The following KYAT3 variants were observed in gnomAD, a reference collection of about 807,000 sequenced individuals.
KYAT3 encodes the protein kynurenine--oxoglutarate transaminase 3.
In KYAT3, 50 loss-of-function variants were observed where a neutral mutation model predicts 59.0. That is an observed-to-expected ratio of 0.85 (90% CI 0.68 to 1.07). KYAT3 has a LOEUF of 1.07. KYAT3 is among the 50% of genes least tolerant of loss of function. The pLI is 0.00. For missense variants in KYAT3, 497 were observed against 533.3 expected (o/e 0.93, Z 0.67); for synonymous variants, 148 against 177.0 (o/e 0.84, Z 1.30).
chr1:88,971,615 T>C (rs548269512), intron 2 of KYAT3, among the ~76,000 whole-genome samples: 3 of 152,176 alleles, frequency 2.0e-5, no homozygotes, highest in African/African-American at 7.2e-5. Context: ...ATAGCTAAGA[T>C]TTATCTTGTC....
At chr1:88,927,132 A>G in the KYAT3 span, among the ~76,000 whole-genome samples, 1 of 152,184 alleles carries the variant, frequency 6.6e-6, no homozygotes, top group Admixed American at 6.5e-5. Flanking sequence ...CATTAGGACC[A>G]TAGAGGACGC....
chr1:88,966,828 T>C (rs1381391898), intron 4 of KYAT3, among the ~76,000 whole-genome samples: 8 of 146,990 alleles, frequency 5.4e-5, no homozygotes, highest in African/African-American at 1.9e-4. Context: ...AGGTTTCTCA[T>C]AGATTCCTTT....
At chr1:88,925,463 GA>G in the KYAT3 span, among the ~76,000 whole-genome samples, 1 of 152,146 alleles carries the variant, frequency 6.6e-6, no homozygotes, top group Non-Finnish European at 1.5e-5. Context: ...TCTCGAAAGG[GA>G]TCTAAGGAAG....
At position 88,943,087 on chromosome 1, in the gene KYAT3, A is replaced by G; in HGVS notation, c.1220T>C (p.Leu407Pro). 3 of 1,606,960 alleles carry G rather than the reference A, an allele frequency of 1.9e-6. No homozygotes were observed. The highest frequency in any genetic ancestry group is 2.6e-6 in the Non-Finnish European group (3 of 1,174,652). Reference protein sequence around the residue: ...FVKWMTKHKKLSAIPVSAFCN... With the variant: ...FVKWMTKHKKPSAIPVSAFCN... Reference sequence around the variant, plus strand: ...GAATGCTGAAACGGGGATGGCTGATAGTTTCTGAAAAATAAATAGAAACAT... The same window carrying G: ...GAATGCTGAAACGGGGATGGCTGATGGTTTCTGAAAAATAAATAGAAACAT... The change falls in exon 13 of 14, where the codon CTA becomes CCA. Residue 407 changes from leucine to proline, a missense_variant. This residue lies in a region of KYAT3 where 469 missense variants were observed against 479.1 expected (regional missense o/e 0.98). Transcript: ENST00000260508.
At position 88,988,689 on chromosome 1, in the gene KYAT3, T is replaced by G. The variant is rs533073494; in HGVS notation, c.-1-338A>C. Among the ~76,000 whole-genome samples the G allele has an allele frequency of 2.0e-5, 3 of 152,344 alleles. No individual in the cohort carries two copies. The South Asian group carries it at 6.2e-4, about 32-fold the overall frequency. On this transcript the variant is annotated intron_variant, in intron 1 of 13. Coordinates refer to ENST00000260508, the MANE Select transcript of KYAT3 (RefSeq NM_001008661.3). ...AGTTCCATTTCTAGCAGCTATAAAATCCAGAGTATTTCAATCTAGGAACTA... is the reference window on the plus strand; with the variant it reads ...AGTTCCATTTCTAGCAGCTATAAAAGCCAGAGTATTTCAATCTAGGAACTA...
At chr1:88,987,410 T>C (rs182562286) in intron 2 of KYAT3, among the ~76,000 whole-genome samples, 7 of 152,274 alleles carry the variant, frequency 4.6e-5, no homozygotes, top group African/African-American at 1.7e-4. Flanking sequence ...TAGAAGACAC[T>C]GATGATGGTT....
At chr1:88,953,008 A>T in intron 10 of KYAT3, 55 bp downstream of exon 10, 1 of 1,073,870 alleles carries the variant, frequency 9.3e-7, no homozygotes, top group Non-Finnish European at 1.4e-6. Flanking sequence ...GCAATATAAA[A>T]GTAATACCTT....
intron 13 of KYAT3, 126 bp downstream of exon 13, chr1:88,942,879 A>T: frequency 1.4e-6 from 1 of 739,506 alleles, no homozygotes; most frequent in Non-Finnish European, 2.3e-6. Flanking sequence ...AGTTAATTTT[A>T]AAGCCGTAAG....
In KYAT3 at chr1:88,968,810, C is replaced by T; in HGVS notation, c.163G>A (p.Glu55Lys). ...IEGLDSNVWI[E>K]FTKLAADPSV... ...GGGTCTGCAGCCAATTTGGTAAATT[C>T]AATCCTAAGATTGAAAAAAATACTA... The change falls in exon 4 of 14, where the codon GAA becomes AAA. Residue 55 changes from glutamate (E) to lysine (K), a missense_variant. Physicochemically the swap from Glu to Lys is moderately conservative, Grantham distance 56. Coordinates refer to ENST00000260508, the MANE Select transcript of KYAT3 (RefSeq NM_001008661.3). 6.3e-7 allele frequency: 1 copy of T among 1,578,198 alleles called. No individual in the cohort carries two copies. Among genetic ancestry groups the T allele is most frequent in the Non-Finnish European group, 8.5e-7 (1 of 1,170,342 alleles).
At chr1:88,975,485 A>T (rs186585255) in intron 2 of KYAT3, among the ~76,000 whole-genome samples, 3 of 152,250 alleles carry the variant, frequency 2.0e-5, no homozygotes, top group East Asian at 3.9e-4. Context: ...CATTTTAATT[A>T]TATGGTCTCT....
chr1:88,970,915 C>A (rs1401257607), intron 2 of KYAT3, among the ~76,000 whole-genome samples: 1 of 151,896 alleles, frequency 6.6e-6, no homozygotes. Context: ...AGAAAAATAC[C>A]TTTTTTAGTG....
chr1:88,929,882 G>A, the KYAT3 span, among the ~76,000 whole-genome samples: 14 of 152,286 alleles, frequency 9.2e-5, no homozygotes, highest in African/African-American at 3.1e-4. Flanking sequence ...CAGGTACGGC[G>A]AAATAGCCAG....
chr1:88,987,612 C>T (rs1033178252), intron 2 of KYAT3, among the ~76,000 whole-genome samples: 7 of 152,166 alleles, frequency 4.6e-5, no homozygotes, highest in African/African-American at 1.7e-4. Context: ...ATGCACACTA[C>T]CCAGATTCAG....
chr1:88,946,738 A>G (rs1363031849), intron 11 of KYAT3, among the ~76,000 whole-genome samples: 1 of 152,222 alleles, frequency 6.6e-6, no homozygotes, highest in East Asian at 1.9e-4. Context: ...CAAATCTCAG[A>G]GTCTAGAACA....
intron 10 of KYAT3, 130 bp from the exon 11 acceptor site, chr1:88,949,407 T>C: frequency 3.4e-6 from 2 of 596,982 alleles, no homozygotes; most frequent in Non-Finnish European, 5.5e-6. Flanking sequence ...GAAATAACAG[T>C]TGAATTCCTG....
chr1:88,958,390 C>T (rs573121808), intron 8 of KYAT3, among the ~76,000 whole-genome samples: 1 of 151,288 alleles, frequency 6.6e-6, no homozygotes, highest in South Asian at 2.1e-4. Flanking sequence ...TGCTTAAGAC[C>T]CTCCTCTGTG....
chr1:88,961,773 A>G (rs1230090077), intron 6 of KYAT3, among the ~76,000 whole-genome samples: 2 of 152,224 alleles, frequency 1.3e-5, no homozygotes, highest in African/African-American at 2.4e-5. Context: ...TTAAATGGAA[A>G]AATAAGCCCT....
intron 10 of KYAT3, among the ~76,000 whole-genome samples, chr1:88,950,577 T>C (rs577844949): frequency 6.6e-5 from 10 of 151,924 alleles, no homozygotes; most frequent in Non-Finnish European, 1.5e-4. Flanking sequence ...TAAGGAGACA[T>C]AAACATCCAT....
At chr1:88,932,754 C>G (rs904183000), downstream of KYAT3, among the ~76,000 whole-genome samples, 4 of 152,066 alleles carry the variant, frequency 2.6e-5, no homozygotes, top group African/African-American at 9.7e-5. Flanking sequence ...TCTCAGCATC[C>G]CAAAGTGCTG....
Sources: gnomAD v4.1 joint callset for allele counts (sites outside exome capture counted in the v4.1 genomes callset) on GRCh38, gnomAD v4.1.1 for gene constraint, gnomAD v4.1.1 regional missense constraint, MANE v1.5 for transcripts, NCBI Gene and HGNC (gene_info 2026-07-23, HGNC 2026-07-21) for gene names.